ULK4: variants seen among roughly 807,000 people sequenced by gnomAD.
ULK4 encodes the protein inactive serine/threonine-protein kinase ULK4.
Under a neutral mutation model 160.6 loss-of-function variants are expected in ULK4, and 133 were observed. That is an observed-to-expected ratio of 0.83 (90% CI 0.72 to 0.96). ULK4 has a LOEUF of 0.96. ULK4 is among the 40% of genes least tolerant of loss of function. The probability of loss-of-function intolerance (pLI) is 0.00; values close to 1 mark genes in which losing one functional copy is unlikely to be tolerated. For synonymous variants in ULK4, 534 were observed against 539.8 expected (o/e 0.99, Z 0.15); for missense variants, 1,580 against 1,499.5 (o/e 1.05, Z -0.89).
intron 19 of ULK4, among the ~76,000 whole-genome samples, chr3:41,815,093 G>A (rs1449088943): frequency 2.0e-5 from 3 of 152,098 alleles, no homozygotes; most frequent in Non-Finnish European, 2.9e-5. Context: ...ATTTTTAGCA[G>A]AGACATGGTT....
intron 22 of ULK4, among the ~76,000 whole-genome samples, chr3:41,746,290 A>C (rs1460278485): frequency 2.1e-5 from 3 of 142,838 alleles, no homozygotes; most frequent in South Asian, 2.2e-4. Context: ...AAAAAAAAAA[A>C]AAAAAACCAC....
intron 32 of ULK4, among the ~76,000 whole-genome samples, chr3:41,519,426 C>T (rs1428979145): frequency 6.6e-6 from 1 of 152,206 alleles, no homozygotes; most frequent in African/African-American, 2.4e-5. Context: ...GATAATCAGT[C>T]GCTAATTTCA....
intron 34 of ULK4, among the ~76,000 whole-genome samples, chr3:41,429,125 TG>T (rs2082845278): frequency 6.6e-6 from 1 of 151,312 alleles, no homozygotes; most frequent in Non-Finnish European, 1.5e-5. Flanking sequence ...ACGACATATA[TG>T]CAGCCAACAA....
At chr3:41,741,287 C>T (rs896616471) in intron 22 of ULK4, among the ~76,000 whole-genome samples, 1 of 151,928 alleles carries the variant, frequency 6.6e-6, no homozygotes. Flanking sequence ...CATTTTTTAA[C>T]GAAATTGTAT....
At chr3:41,749,250 A>C (rs1475871663) in intron 22 of ULK4, among the ~76,000 whole-genome samples, 2 of 152,214 alleles carry the variant, frequency 1.3e-5, no homozygotes, top group African/African-American at 2.4e-5. Context: ...TGGGAGGCCA[A>C]GGCAGGTGGA....
intron 34 of ULK4, among the ~76,000 whole-genome samples, chr3:41,417,379 A>G (rs1429486703): frequency 1.3e-5 from 2 of 152,180 alleles, no homozygotes; most frequent in African/African-American, 4.8e-5. Flanking sequence ...AGGTGACAAA[A>G]CATAGCTGAA....
rs562119683 is a variant in ULK4 at position 41,376,575 on chromosome 3, C to G, written c.3678+21504G>C. 4.7e-4 allele frequency among the ~76,000 whole-genome samples: 70 copies of G among 149,664 alleles called. 3 individuals carry two copies. The highest frequency in any genetic ancestry group is 1.7e-3 in the African/African-American group (68 of 39,960). ...AAAAATCACAAGCATTCTTATACAC[C>G]AATAACAGACAAACAGAGAGCCAAA... On this transcript the variant is annotated intron_variant, in intron 35 of 36. Coordinates refer to ENST00000301831, the MANE Select transcript of ULK4 (RefSeq NM_017886.4).
At chr3:41,958,165 T>C (rs1576022246) in intron 1 of ULK4, among the ~76,000 whole-genome samples, 1 of 152,136 alleles carries the variant, frequency 6.6e-6, no homozygotes, top group East Asian at 1.9e-4. Context: ...ACCCCACATA[T>C]TCACAGCAGC....
intron 16 of ULK4, among the ~76,000 whole-genome samples, chr3:41,891,741 A>C (rs544561550): frequency 1.3e-5 from 2 of 152,252 alleles, no homozygotes; most frequent in South Asian, 4.1e-4. Flanking sequence ...CCTCATCTCT[A>C]CAAAAATACA....
At chr3:41,374,456 A>G (rs1344798952) in intron 35 of ULK4, among the ~76,000 whole-genome samples, 1 of 152,210 alleles carries the variant, frequency 6.6e-6, no homozygotes. Flanking sequence ...AGTTGGCTTA[A>G]TCTCTGGGAT....
intron 32 of ULK4, among the ~76,000 whole-genome samples, chr3:41,563,899 G>A (rs1031781913): frequency 2.0e-5 from 3 of 152,152 alleles, no homozygotes; most frequent in Non-Finnish European, 4.4e-5. Flanking sequence ...GCTTTGTTCC[G>A]TTGCTGGAGA....
At chr3:41,760,923 T>C (rs1196174102) in intron 21 of ULK4, among the ~76,000 whole-genome samples, 3 of 152,186 alleles carry the variant, frequency 2.0e-5, no homozygotes, top group Non-Finnish European at 4.4e-5. Flanking sequence ...TCAGCAGTAA[T>C]GAACTACTGA....
chr3:41,425,202 T>C (rs2082751003), intron 34 of ULK4, among the ~76,000 whole-genome samples: 1 of 152,026 alleles, frequency 6.6e-6, no homozygotes, highest in African/African-American at 2.4e-5. Context: ...ATTTCAGAGC[T>C]TGAAGACTAT....
At chr3:41,315,523 C>T (rs963775493) in intron 35 of ULK4, among the ~76,000 whole-genome samples, 14 of 152,152 alleles carry the variant, frequency 9.2e-5, no homozygotes, top group East Asian at 3.8e-4. Context: ...TTGTCTTAAG[C>T]GCATACAGCA....
chr3:41,602,260 GGAAAGGA>G (rs2032120292), intron 31 of ULK4, among the ~76,000 whole-genome samples: 2 of 48,106 alleles, frequency 4.2e-5, no homozygotes, highest in African/African-American at 2.8e-4. Flanking sequence ...AAAAAGGAAA[GGAAAGGA>G]AAGGAAAGGA....
intron 8 of ULK4, among the ~76,000 whole-genome samples, chr3:41,913,477 C>T (rs536310113): frequency 5.3e-5 from 8 of 152,194 alleles, no homozygotes; most frequent in African/African-American, 9.6e-5. Flanking sequence ...CACCCGCCTC[C>T]GCCTCCCAAA....
rs906313152 is a variant in ULK4, at chr3:41,776,644, T to G, written c.2193+13017A>C. Among the ~76,000 whole-genome samples the G allele has an allele frequency of 8.5e-5, 12 of 141,876 alleles. No individual in the cohort carries two copies. In the East Asian group the frequency reaches 2.1e-3, roughly 25 times the overall value. The allele number at this position is 141,876 out of a possible 152,430, so 93.1% of individuals were successfully genotyped here. A position where few individuals can be genotyped will look rare whatever the true frequency, so the allele number is the denominator to read the frequency against. Reference sequence around the variant, plus strand: ...TTTTTAGCATGAAGGGTTGTTGAATTTTGTCAAAGGCTTTTTCTGCATCTA... The same window carrying G: ...TTTTTAGCATGAAGGGTTGTTGAATGTTGTCAAAGGCTTTTTCTGCATCTA... On this transcript the variant is annotated intron_variant, in intron 21 of 36. Transcript: ENST00000301831.
chr3:41,938,977 C>T (rs1254544875), intron 2 of ULK4, among the ~76,000 whole-genome samples: 2 of 152,050 alleles, frequency 1.3e-5, no homozygotes, highest in African/African-American at 2.4e-5. Flanking sequence ...CAATAGGTCA[C>T]TAAGTTGTAT....
chr3:41,715,501 C>G lies in ULK4; in HGVS notation c.2523G>C (p.Gln841His). The change falls in exon 24 of 37, where the codon CAG becomes CAC. Residue 841 changes from glutamine to histidine, a missense_variant. Physicochemically the swap from Gln to His is conservative, Grantham distance 24. Coordinates refer to ENST00000301831, the MANE Select transcript of ULK4 (RefSeq NM_017886.4). ...RKHPSTVQVKQLKLCLPLMPV... is the reference protein window; with the variant it reads ...RKHPSTVQVKHLKLCLPLMPV... ...GCATCAGGGGGAGACACAACTTCAGCTGTTTCACTTGAACTGTTGATGGGT... is the reference window on the plus strand; with the variant it reads ...GCATCAGGGGGAGACACAACTTCAGGTGTTTCACTTGAACTGTTGATGGGT... The G allele has an allele frequency of 6.2e-7, 1 of 1,614,124 alleles. No individual in the cohort carries two copies. The highest frequency in any genetic ancestry group is 8.5e-7 in the Non-Finnish European group (1 of 1,179,992).
Sources: allele counts gnomAD v4.1 joint callset (sites outside exome capture counted in the v4.1 genomes callset), GRCh38; gene constraint gnomAD v4.1.1; transcripts MANE v1.5; gene names NCBI Gene and HGNC (gene_info 2026-07-23, HGNC 2026-07-21).